Variants in CCDC3 observed in about 807,000 individuals in gnomAD.
CCDC3 encodes coiled-coil domain-containing protein 3.
Under a neutral mutation model 21.4 loss-of-function variants are expected in CCDC3, and 24 were observed. That is an observed-to-expected ratio of 1.12 (90% confidence interval 0.81 to 1.58). CCDC3 has a LOEUF of 1.58. Ranked by LOEUF, CCDC3 falls within the 40% of genes most tolerant of loss-of-function variation. The probability of loss-of-function intolerance (pLI) is 0.00; values close to 1 mark genes in which losing one functional copy is unlikely to be tolerated. For missense variants in CCDC3, 425 were observed against 360.9 expected (o/e 1.18, Z -1.44); for synonymous variants, 186 against 166.0 (o/e 1.12, Z -0.93).
intron 5 of CCDC3, among the ~76,000 whole-genome samples, chr10:13,046,917 A>C (rs1407314947): frequency 6.6e-6 from 1 of 151,462 alleles, no homozygotes; most frequent in Non-Finnish European, 1.5e-5. Context: ...AAAAAGATTT[A>C]TTACTTAGTC....
chr10:13,010,856 T>C (rs2131398481), intron 5 of CCDC3, among the ~76,000 whole-genome samples: 1 of 152,266 alleles, frequency 6.6e-6, no homozygotes, highest in African/African-American at 2.4e-5. Flanking sequence ...CCTCTACCAA[T>C]TCATTTGCTC....
At chr10:12,993,620 G>A (rs1835711753) in intron 2 of CCDC3, among the ~76,000 whole-genome samples, 1 of 152,146 alleles carries the variant, frequency 6.6e-6, no homozygotes, top group Non-Finnish European at 1.5e-5. Context: ...GAGAAATGAG[G>A]AAGGAAAAAT....
chr10:13,016,335 A>G (rs1243400976), intron 5 of CCDC3, among the ~76,000 whole-genome samples: 2 of 77,790 alleles, frequency 2.6e-5, no homozygotes, highest in Middle Eastern at 9.3e-3. Context: ...TGGTAAAGCG[A>G]AAAAAAAAAA....
intron 2 of CCDC3, among the ~76,000 whole-genome samples, chr10:12,948,265 A>G (rs1834950734): frequency 6.6e-6 from 1 of 151,922 alleles, no homozygotes. Context: ...CTCCCCAGCC[A>G]CATGGAACTG....
chr10:13,076,984 C>A (rs10796016), intron 3 of CCDC3, among the ~76,000 whole-genome samples: 113,489 of 152,008 alleles, frequency 0.75, 42,684 homozygotes, highest in Middle Eastern at 0.83. Context: ...ACTCCTATTA[C>A]ACATAGTGTT....
chr10:13,007,558 C>A (rs1324883931), intron 5 of CCDC3, among the ~76,000 whole-genome samples: 1 of 152,018 alleles, frequency 6.6e-6, no homozygotes, highest in African/African-American at 2.4e-5. Flanking sequence ...ATAGTGTGTA[C>A]CTGTCTCCCG....
intron 2 of CCDC3, among the ~76,000 whole-genome samples, chr10:12,930,724 A>T (rs1443049148): frequency 6.6e-6 from 1 of 152,160 alleles, no homozygotes; most frequent in Non-Finnish European, 1.5e-5. Context: ...GTGGGCAGAG[A>T]CCAAAGATGC....
At chr10:12,934,478 CT>C (rs1297986908) in intron 2 of CCDC3, among the ~76,000 whole-genome samples, 1 of 152,152 alleles carries the variant, frequency 6.6e-6, no homozygotes, top group Non-Finnish European at 1.5e-5. Flanking sequence ...ACTGATGGTG[CT>C]TTTGGGTTCA....
At chr10:12,945,654 T>C (rs77005541) in intron 2 of CCDC3, among the ~76,000 whole-genome samples, 3,976 of 152,270 alleles carry the variant, frequency 0.026, 183 homozygotes, top group African/African-American at 0.091. Context: ...CTTAATAAGA[T>C]AGGGTAAAAG....
In CCDC3 at chr10:13,069,751, G is replaced by A. The variant is rs150415538; in HGVS notation, c.-270+4117C>T. Among the ~76,000 whole-genome samples, 572 of 152,254 alleles carry A rather than the reference G, an allele frequency of 3.8e-3. 7 individuals carry two copies. The highest frequency in any genetic ancestry group is 0.013 in the African/African-American group (544 of 41,540). On this transcript the variant is annotated intron_variant, in intron 4 of 6. Transcript: ENST00000378839. Reference sequence around the variant, plus strand: ...TATATGTTCCAAAATTGTATGGGATGTCTAAAATTCTAATGTCTGAGTATA... The same window carrying A: ...TATATGTTCCAAAATTGTATGGGATATCTAAAATTCTAATGTCTGAGTATA...
At chr10:13,074,734 C>T (rs1488345640) in intron 3 of CCDC3, among the ~76,000 whole-genome samples, 1 of 152,126 alleles carries the variant, frequency 6.6e-6, no homozygotes, top group Non-Finnish European at 1.5e-5. Flanking sequence ...ATGAGTTCCC[C>T]GTGCCGGCTG....
chr10:13,000,890 T>TA (rs1222605204), intron 1 of CCDC3, among the ~76,000 whole-genome samples: 1 of 152,174 alleles, frequency 6.6e-6, no homozygotes, highest in Non-Finnish European at 1.5e-5. Context: ...GAGGCCAGTT[T>TA]AAAAACCCAA....
intron 5 of CCDC3, among the ~76,000 whole-genome samples, chr10:13,007,044 G>A (rs565778701): frequency 6.6e-5 from 10 of 152,284 alleles, no homozygotes; most frequent in Admixed American, 5.9e-4. Flanking sequence ...CCCTTTGGCA[G>A]TTAAGTGCTG....
At chr10:13,034,457 A>G (rs2131413606) in intron 5 of CCDC3, among the ~76,000 whole-genome samples, 1 of 151,618 alleles carries the variant, frequency 6.6e-6, no homozygotes, top group South Asian at 2.1e-4. Flanking sequence ...AAACCTGCAC[A>G]TTGTGCACAT....
At chr10:13,093,685 C>T (rs929678572) in intron 3 of CCDC3, among the ~76,000 whole-genome samples, 10 of 151,840 alleles carry the variant, frequency 6.6e-5, no homozygotes, top group Admixed American at 3.9e-4. Flanking sequence ...CAGGTAGGGC[C>T]GAGGTAGCCT....
intron 5 of CCDC3, among the ~76,000 whole-genome samples, chr10:13,024,202 C>A (rs532967638): frequency 2.0e-5 from 3 of 152,048 alleles, no homozygotes; most frequent in Admixed American, 6.5e-5. Flanking sequence ...GGCATCTTTT[C>A]ATTTTGAGCT....
chr10:12,925,040 C>G (rs1222151671), intron 2 of CCDC3, among the ~76,000 whole-genome samples: 3 of 152,162 alleles, frequency 2.0e-5, no homozygotes. Flanking sequence ...GTTCCAGAAG[C>G]CTCTGTGTGT....
chr10:13,068,979 G>A (rs1836852681), intron 4 of CCDC3, among the ~76,000 whole-genome samples: 2 of 152,250 alleles, frequency 1.3e-5, no homozygotes, highest in South Asian at 2.1e-4. Flanking sequence ...ATCTTGGCCG[G>A]GTGTGGTGGC....
chr10:13,038,134 A>C (rs1306989703), intron 5 of CCDC3, among the ~76,000 whole-genome samples: 5 of 152,328 alleles, frequency 3.3e-5, no homozygotes, highest in Middle Eastern at 6.8e-3. Flanking sequence ...ACATATTCTC[A>C]CTTATAAATA....
Sources: gnomAD v4.1 joint callset for allele counts (sites outside exome capture counted in the v4.1 genomes callset) on GRCh38, gnomAD v4.1.1 for gene constraint, MANE v1.5 for transcripts, NCBI Gene and HGNC (gene_info 2026-07-23, HGNC 2026-07-21) for gene names.